Variants in CDH13 observed in about 807,000 individuals in gnomAD.
CDH13 encodes the protein cadherin-13.
In CDH13, 24 loss-of-function variants were observed where a neutral mutation model predicts 63.8. The observed-to-expected ratio is 0.38, with a 90% CI of 0.27 to 0.53. The LOEUF (loss-of-function observed/expected upper bound fraction) is 0.53. CDH13 is among the 20% of genes least tolerant of loss of function. The pLI is 0.85. For missense variants in CDH13, 1,049 were observed against 903.1 expected (o/e 1.16, Z -2.07); for synonymous variants, 503 against 355.3 (o/e 1.42, Z -4.67).
chr16:83,006,750 A>G (rs1465683060), intron 2 of CDH13, among the ~76,000 whole-genome samples: 1 of 152,162 alleles, frequency 6.6e-6, no homozygotes. Context: ...TGGCAACTTT[A>G]TTTTCAGAAA....
At chr16:83,074,430 C>T (rs1054514576) in intron 3 of CDH13, among the ~76,000 whole-genome samples, 2 of 152,200 alleles carry the variant, frequency 1.3e-5, no homozygotes, top group Admixed American at 6.5e-5. Flanking sequence ...CATATCTTTG[C>T]TATCGTAGAT....
intron 7 of CDH13, among the ~76,000 whole-genome samples, chr16:83,524,530 G>T (rs977741926): frequency 1.6e-5 from 2 of 128,770 alleles, no homozygotes; most frequent in East Asian, 2.5e-4. Context: ...TCGGCTTACT[G>T]CAAGCTCCGC....
At chr16:82,921,756 C>A (rs998094792) in intron 2 of CDH13, among the ~76,000 whole-genome samples, 1 of 151,952 alleles carries the variant, frequency 6.6e-6, no homozygotes, top group Admixed American at 6.6e-5. Flanking sequence ...GTAATAGTGG[C>A]CTCATAGAAT....
intron 3 of CDH13, among the ~76,000 whole-genome samples, chr16:83,083,402 C>T (rs139565088): frequency 6.6e-6 from 1 of 152,140 alleles, no homozygotes; most frequent in East Asian, 1.9e-4. Context: ...GAAGGCAAAA[C>T]AAGTGAACAC....
chr16:83,222,462 C>T (rs377044950), intron 5 of CDH13, among the ~76,000 whole-genome samples: 7 of 152,184 alleles, frequency 4.6e-5, no homozygotes, highest in East Asian at 1.9e-4. Flanking sequence ...GCTTATAAGA[C>T]GATTGGGAGA....
At chr16:83,378,044 C>A (rs1393008112) in intron 6 of CDH13, among the ~76,000 whole-genome samples, 2 of 152,126 alleles carry the variant, frequency 1.3e-5, no homozygotes, top group Non-Finnish European at 2.9e-5. Context: ...GCTCTCAGTA[C>A]CCTTTGGACC....
At chr16:82,809,630 C>T (rs1047193514) in intron 1 of CDH13, among the ~76,000 whole-genome samples, 7 of 152,056 alleles carry the variant, frequency 4.6e-5, no homozygotes, top group Non-Finnish European at 1.0e-4. Flanking sequence ...GTACGTACTT[C>T]CCTTAGCATC....
At chr16:83,083,026 A>T (rs2033357830) in intron 3 of CDH13, among the ~76,000 whole-genome samples, 1 of 152,230 alleles carries the variant, frequency 6.6e-6, no homozygotes, top group African/African-American at 2.4e-5. Flanking sequence ...CTTTGAGAGC[A>T]ATTTAACTTG....
At chr16:83,771,378 ATCCAGCAGTGGAATCCATGTGG>A (rs1257797961) in intron 11 of CDH13, among the ~76,000 whole-genome samples, 1 of 152,184 alleles carries the variant, frequency 6.6e-6, no homozygotes, top group East Asian at 1.9e-4. Context: ...GGAGTTTGAA[ATCCAGCAGTGGAATCCATGTGG>A]TCCTATCGTG....
intron 7 of CDH13, among the ~76,000 whole-genome samples, chr16:83,564,409 T>G (rs74959671): frequency 0.4 from 13,083 of 32,330 alleles, 1,042 homozygotes; most frequent in South Asian, 0.5. Context: ...TTTTTTTTTT[T>G]TTTTTTGTTT....
At chr16:83,283,202 TA>T (rs2089224603) in intron 5 of CDH13, among the ~76,000 whole-genome samples, 1 of 152,200 alleles carries the variant, frequency 6.6e-6, no homozygotes, top group Non-Finnish European at 1.5e-5. Context: ...ATGTTTGAAT[TA>T]CCTGTGGAGT....
chr16:83,080,950 T>C (rs2033208345), intron 3 of CDH13, among the ~76,000 whole-genome samples: 1 of 138,384 alleles, frequency 7.2e-6, no homozygotes, highest in Non-Finnish European at 1.5e-5. Flanking sequence ...GGTGCAATCT[T>C]GGCTCACCGC....
Position 82,627,227 on chromosome 16 carries a change from G to A in CDH13, c.45+90G>A, listed in dbSNP as rs1425984238. Reference sequence around the variant, plus strand: ...GGCAGGGTGAGGGGGCTTTCGGGGGGTCGGGGCCTCCGGTCGCGGCGGCGA... The same window carrying A: ...GGCAGGGTGAGGGGGCTTTCGGGGGATCGGGGCCTCCGGTCGCGGCGGCGA... On this transcript the variant is annotated intron_variant, in intron 1 of 13. Coordinates refer to ENST00000567109, the MANE Select transcript of CDH13 (RefSeq NM_001257.5). 41 of 1,147,536 alleles carry A rather than the reference G, an allele frequency of 3.6e-5. No individual in the cohort carries two copies. The Admixed American group carries it at 6.3e-4, about 18-fold the overall frequency. 71.1% of individuals were successfully genotyped at this position (1,147,536 alleles called of 1,614,324 possible). A position where few individuals can be genotyped will look rare whatever the true frequency, so the allele number is the denominator to read the frequency against.
chr16:83,370,668 C>T (rs186296847), intron 6 of CDH13, among the ~76,000 whole-genome samples: 120 of 152,236 alleles, frequency 7.9e-4, no homozygotes, highest in African/African-American at 2.7e-3. Flanking sequence ...ATCCCTTCTT[C>T]GTGTTCTTGT....
At chr16:82,798,699 G>T (rs2036705024) in intron 1 of CDH13, among the ~76,000 whole-genome samples, 1 of 152,124 alleles carries the variant, frequency 6.6e-6, no homozygotes, top group Non-Finnish European at 1.5e-5. Context: ...AGGCTAGCCT[G>T]TTTGGGTTTG....
intron 2 of CDH13, among the ~76,000 whole-genome samples, chr16:82,901,019 G>C (rs1472659327): frequency 6.6e-6 from 1 of 151,926 alleles, no homozygotes; most frequent in South Asian, 2.1e-4. Context: ...GGTTCTTGGA[G>C]ATCAAGTTAA....
intron 6 of CDH13, among the ~76,000 whole-genome samples, chr16:83,415,257 ATAACTCATAGGGAGATT>A (rs1567656812): frequency 6.6e-6 from 1 of 152,174 alleles, no homozygotes; most frequent in African/African-American, 2.4e-5. Context: ...GAACGGACCC[ATAACTCATAGGGAGATT>A]GAATCGGTAA....
intron 6 of CDH13, among the ~76,000 whole-genome samples, chr16:83,442,620 T>C (rs2072512062): frequency 6.6e-6 from 1 of 152,224 alleles, no homozygotes; most frequent in Non-Finnish European, 1.5e-5. Context: ...AAGAAGCTTA[T>C]ATTTTTCTGG....
Position 82,644,404 on chromosome 16 carries a change from C to G in CDH13, c.45+17267C>G, listed in dbSNP as rs1909823826. ...TTCCTTTGATTCTCAGGTCCCTTAA[C>G]CATGGAACGTACTCCTGTCTGCCCT... On this transcript the variant is annotated intron_variant, in intron 1 of 13. Coordinates refer to ENST00000567109, the MANE Select transcript of CDH13 (RefSeq NM_001257.5). This position sits in a 1 kb window ranked among gnomAD's most constrained non-coding sequence, Gnocchi z 5.7. Among the ~76,000 whole-genome samples the G allele has an allele frequency of 6.6e-6, 1 of 152,142 alleles. No individual in the cohort carries two copies. The highest frequency in any genetic ancestry group is 1.5e-5 in the Non-Finnish European group (1 of 68,028).
Sources: allele counts gnomAD v4.1 joint callset (sites outside exome capture counted in the v4.1 genomes callset), GRCh38; gene constraint gnomAD v4.1.1; non-coding constraint Gnocchi (gnomAD v3.1); transcripts MANE v1.5; gene names NCBI Gene and HGNC (gene_info 2026-07-23, HGNC 2026-07-21).